The following IFT43 variants were observed in gnomAD, a reference collection of about 807,000 sequenced individuals.
IFT43 encodes the protein intraflagellar transport protein 43 homolog.
A neutral mutation model predicts 32.3 loss-of-function variants in IFT43; 33 were observed. That is an observed-to-expected ratio of 1.02 (90% CI 0.77 to 1.37). The LOEUF (loss-of-function observed/expected upper bound fraction) is 1.37. Ranked by LOEUF, IFT43 falls within the 40% of genes most tolerant of loss-of-function variation. The probability of loss-of-function intolerance (pLI) is 0.00; values close to 1 mark genes in which losing one functional copy is unlikely to be tolerated. For synonymous variants in IFT43, 93 were observed against 98.2 expected (o/e 0.95, Z 0.31); for missense variants, 274 against 265.9 (o/e 1.03, Z -0.21).
At chr14:76,031,211 C>A (rs964893699) in intron 3 of IFT43, among the ~76,000 whole-genome samples, 8 of 151,956 alleles carry the variant, frequency 5.3e-5, no homozygotes, top group Non-Finnish European at 1.0e-4. Context: ...CAGCCACACC[C>A]TTTCATTTTA....
chr14:76,070,199 A>G (rs2037295189), intron 5 of IFT43, among the ~76,000 whole-genome samples: 1 of 152,208 alleles, frequency 6.6e-6, no homozygotes, highest in Admixed American at 6.5e-5. Flanking sequence ...ATGGAATTAG[A>G]AAAATGCTAT....
At chr14:76,079,890 C>A (rs574099594) in intron 5 of IFT43, among the ~76,000 whole-genome samples, 1 of 150,306 alleles carries the variant, frequency 6.7e-6, no homozygotes, top group East Asian at 2.0e-4. Context: ...TTTCCTAAGT[C>A]TATTTTCTTT....
intron 3 of IFT43, among the ~76,000 whole-genome samples, chr14:76,049,458 T>TG (rs2036871486): frequency 4.2e-4 from 1 of 2,388 alleles, no homozygotes; most frequent in Non-Finnish European, 1.5e-3. Flanking sequence ...AAGCTGTGTG[T>TG]TTTTTTTTTT....
intron 2 of IFT43, among the ~76,000 whole-genome samples, chr14:76,008,038 G>A (rs143899073): frequency 4.1e-4 from 63 of 152,320 alleles, no homozygotes; most frequent in African/African-American, 1.5e-3. Flanking sequence ...GTATTGAGCT[G>A]TGGGATATGG....
At chr14:76,076,552 T>C (rs773683454) in intron 5 of IFT43, 24 of 1,612,228 alleles carry the variant, frequency 1.5e-5, no homozygotes, top group Non-Finnish European at 1.9e-5. Flanking sequence ...TGGGGTATAC[T>C]CATTGCAAGC....
At chr14:76,007,620 C>A (rs1045374820) in intron 2 of IFT43, among the ~76,000 whole-genome samples, 1 of 152,144 alleles carries the variant, frequency 6.6e-6, no homozygotes, top group African/African-American at 2.4e-5. Context: ...TGGGAATTTA[C>A]ACCTTCAATA....
chr14:76,047,505 G>T (rs942232821), intron 3 of IFT43, among the ~76,000 whole-genome samples: 2 of 152,200 alleles, frequency 1.3e-5, no homozygotes, highest in African/African-American at 4.8e-5. Flanking sequence ...TAGGAGAGGA[G>T]TATAAAGGGG....
At chr14:76,029,145 T>C (rs2036460384) in intron 3 of IFT43, among the ~76,000 whole-genome samples, 1 of 152,250 alleles carries the variant, frequency 6.6e-6, no homozygotes, top group African/African-American at 2.4e-5. Context: ...TTTTTGACTT[T>C]TTAACAATAG....
intron 3 of IFT43, among the ~76,000 whole-genome samples, chr14:76,054,710 A>G (rs2036978959): frequency 6.6e-6 from 1 of 152,194 alleles, no homozygotes; most frequent in East Asian, 1.9e-4. Flanking sequence ...ACTTTTGGGG[A>G]AAAAGGCACA....
intron 3 of IFT43, among the ~76,000 whole-genome samples, chr14:76,050,933 T>G (rs2036902432): frequency 1.3e-5 from 2 of 152,110 alleles, no homozygotes; most frequent in Admixed American, 1.3e-4. Context: ...TATTTCAACC[T>G]TTTTTCACAC....
chr14:76,082,155 T>A, intron 5 of IFT43, 140 bp from the exon 6 acceptor site: 1 of 792,430 alleles, frequency 1.3e-6, no homozygotes, highest in Admixed American at 1.7e-5. Context: ...ATCCTACCCC[T>A]AGTTTGTATC....
intron 5 of IFT43, among the ~76,000 whole-genome samples, chr14:76,075,758 A>G (rs2037401794): frequency 6.6e-6 from 1 of 152,218 alleles, no homozygotes; most frequent in Non-Finnish European, 1.5e-5. Context: ...AAATGAGACC[A>G]ATTTCTTTCA....
chr14:75,993,548 G>T (rs2035682985), intron 2 of IFT43, among the ~76,000 whole-genome samples: 1 of 152,158 alleles, frequency 6.6e-6, no homozygotes. Flanking sequence ...TTTTCAAGTG[G>T]CCTCCTCTAT....
chr14:76,061,361 CTG>C (rs1484806381), intron 5 of IFT43, among the ~76,000 whole-genome samples: 1 of 152,162 alleles, frequency 6.6e-6, no homozygotes, highest in African/African-American at 2.4e-5. Flanking sequence ...CTTCTTCAGT[CTG>C]TGGATTTATA....
rs1396130687 is a variant in IFT43, at chr14:76,083,686, A to G, written c.*109A>G. On this transcript the variant is annotated 3_prime_UTR_variant, in exon 9 of 9. Coordinates refer to ENST00000314067, the MANE Select transcript of IFT43 (RefSeq NM_001102564.3). The stretch of plus-strand genomic sequence containing the variant: ...GGAATATTTTGTAATAAAAATATTT[A>G]TATTCAGTCAACCACATTGGATAAT... 2 of 1,026,374 alleles carry G rather than the reference A, an allele frequency of 1.9e-6. No individual in the cohort carries two copies. The highest frequency in any genetic ancestry group is 2.0e-5 in the Admixed American group (1 of 50,786). 63.6% of individuals were successfully genotyped at this position (1,026,374 alleles called of 1,614,324 possible).
Position 76,082,630 on chromosome 14 carries a change from C to G in IFT43, c.382C>G (p.Arg128Gly). 3.7e-6 allele frequency: 6 copies of G among 1,614,156 alleles called. No homozygotes were observed. The highest frequency in any genetic ancestry group is 5.1e-6 in the Non-Finnish European group (6 of 1,180,024). ...TCTTTCCTTCAGCATCCAGATAAAG[C>G]GGGTGATGACCTACCGTGACCTGGA... The part of the protein sequence containing the change: ...VAAPPSIQIK[R>G]VMTYRDLDND... Residue 128 changes from arginine (R) to glycine (G), a missense_variant, in exon 7 of 9, where the codon CGG (arginine) becomes GGG (glycine). By Grantham distance (125) the Arg-to-Gly change is moderately radical (BLOSUM62 -2). Transcript: ENST00000314067.
At chr14:76,013,382 C>T (rs960533553) in intron 2 of IFT43, among the ~76,000 whole-genome samples, 1 of 152,168 alleles carries the variant, frequency 6.6e-6, no homozygotes. Context: ...GGCGTTCGCA[C>T]CCCCATAGGT....
intron 3 of IFT43, among the ~76,000 whole-genome samples, chr14:76,055,112 A>G (rs1200309639): frequency 6.6e-6 from 1 of 152,192 alleles, no homozygotes; most frequent in Non-Finnish European, 1.5e-5. Context: ...GGGAGGCAAA[A>G]GCAGGAGAAT....
intron 1 of IFT43, chr14:75,986,381 C>G: frequency 1.1e-6 from 1 of 898,406 alleles, no homozygotes; most frequent in South Asian, 1.9e-5. Context: ...CGATTTGTAA[C>G]GTGAGGGAGT....
Sources: gnomAD v4.1 joint callset for allele counts (sites outside exome capture counted in the v4.1 genomes callset) on GRCh38, gnomAD v4.1.1 for gene constraint, MANE v1.5 for transcripts, NCBI Gene and HGNC (gene_info 2026-07-23, HGNC 2026-07-21) for gene names.